Variants in RDX observed in about 807,000 individuals in gnomAD.
The protein encoded by RDX is radixin, also known as deafness, autosomal recessive 24.
Under a neutral mutation model 83.7 loss-of-function variants are expected in RDX, and 32 were observed. That is an observed-to-expected ratio of 0.38 (90% confidence interval 0.29 to 0.51). The LOEUF is 0.51. Among genes scored for constraint, RDX ranks in the 20% least tolerant of loss-of-function variants. The pLI is 0.87. For synonymous variants in RDX, 229 were observed against 222.7 expected (o/e 1.03, Z -0.25); for missense variants, 600 against 689.9 (o/e 0.87, Z 1.46).
intron 2 of RDX, among the ~76,000 whole-genome samples, chr11:110,278,514 G>A (rs576251162): frequency 2.0e-5 from 3 of 152,018 alleles, no homozygotes; most frequent in Middle Eastern, 3.4e-3. Flanking sequence ...AGTGTGTCAT[G>A]TTTTTTAATA....
chr11:110,184,670 C>A (rs1487313945), intron 15 of RDX, among the ~76,000 whole-genome samples: 1 of 152,172 alleles, frequency 6.6e-6, no homozygotes, highest in African/African-American at 2.4e-5. Flanking sequence ...GTTGCAAAAA[C>A]TTGTTGCAGG....
chr11:110,249,743 G>A (rs920075013), intron 9 of RDX, among the ~76,000 whole-genome samples: 3 of 152,136 alleles, frequency 2.0e-5, no homozygotes, highest in Non-Finnish European at 2.9e-5. Context: ...GGCATGGTGT[G>A]TGTACCCATA....
chr11:110,237,373 T>C, intron 11 of RDX, 119 bp downstream of exon 11: 1 of 882,340 alleles, frequency 1.1e-6, no homozygotes, highest in Non-Finnish European at 1.7e-6. Flanking sequence ...TTAAGTTACA[T>C]GTTATCTTTG....
intron 1 of RDX, among the ~76,000 whole-genome samples, chr11:110,284,403 GT>G (rs1244486775): frequency 6.6e-6 from 1 of 152,080 alleles, no homozygotes; most frequent in Non-Finnish European, 1.5e-5. Flanking sequence ...GGTTGTGGGG[GT>G]TTTTTATTTG....
chr11:110,247,268 A>C (rs985201927), intron 10 of RDX, among the ~76,000 whole-genome samples: 1 of 152,170 alleles, frequency 6.6e-6, no homozygotes, highest in African/African-American at 2.4e-5. Context: ...TTAGGAATTG[A>C]GTTCCAAAAA....
intron 2 of RDX, among the ~76,000 whole-genome samples, chr11:110,274,214 G>A (rs927049570): frequency 2.0e-5 from 3 of 151,728 alleles, no homozygotes; most frequent in African/African-American, 2.4e-5. Context: ...ATAATAAAAC[G>A]AAACCCATAA....
At chr11:110,221,601 A>AACACACACACACACACACAC (rs60766252) in intron 14 of RDX, among the ~76,000 whole-genome samples, 2 of 133,506 alleles carry the variant, frequency 1.5e-5, no homozygotes, top group African/African-American at 2.9e-5. Context: ...CTGTCTCCAA[A>AACACACACACACACACACAC]ACACACACAC....
At chr11:110,179,856 C>T (rs1325830696) in intron 15 of RDX, 4 of 426,476 alleles carry the variant, frequency 9.4e-6, no homozygotes, top group Non-Finnish European at 1.8e-5. Context: ...CTAGGCCTCC[C>T]TGCAGTGCTC....
At chr11:110,223,752 T>C (rs1269463986) in intron 14 of RDX, among the ~76,000 whole-genome samples, 2 of 152,140 alleles carry the variant, frequency 1.3e-5, no homozygotes, top group Non-Finnish European at 2.9e-5. Context: ...ATGAGCATAA[T>C]CAACTACAGT....
At chr11:110,233,753 G>A (rs1864733874) in intron 12 of RDX, among the ~76,000 whole-genome samples, 1 of 152,124 alleles carries the variant, frequency 6.6e-6, no homozygotes, top group African/African-American at 2.4e-5. Flanking sequence ...TATTAATTCT[G>A]GCAAGGATTA....
intron 2 of RDX, among the ~76,000 whole-genome samples, chr11:110,278,936 G>C (rs1187527019): frequency 6.7e-6 from 1 of 149,452 alleles, no homozygotes; most frequent in African/African-American, 2.4e-5. Context: ...CCTTAGTCAA[G>C]AAGAACCAAA....
At chr11:110,222,388 T>A (rs932606489) in intron 14 of RDX, among the ~76,000 whole-genome samples, 1 of 152,236 alleles carries the variant, frequency 6.6e-6, no homozygotes, top group Non-Finnish European at 1.5e-5. Flanking sequence ...TAAAAGTACA[T>A]TAAACTATAT....
At chr11:110,284,788 T>C (rs896522446) in intron 1 of RDX, among the ~76,000 whole-genome samples, 1 of 151,812 alleles carries the variant, frequency 6.6e-6, no homozygotes, top group Non-Finnish European at 1.5e-5. Flanking sequence ...CTCCCAAAGT[T>C]CTGGGATTAC....
At chr11:110,209,305 A>T (rs1442582197) in intron 14 of RDX, among the ~76,000 whole-genome samples, 1 of 151,590 alleles carries the variant, frequency 6.6e-6, no homozygotes, top group African/African-American at 2.4e-5. Flanking sequence ...GCGCACCACG[A>T]GATTATATCC....
chr11:110,289,238 C>CAAAAAAA (rs753424624), intron 1 of RDX, among the ~76,000 whole-genome samples: 1 of 54,356 alleles, frequency 1.8e-5, no homozygotes, highest in Admixed American at 2.1e-4. Flanking sequence ...AACTCTATCT[C>CAAAAAAA]AAAAAAAAAA....
At chr11:110,198,617 C>G (rs1407238214) in intron 15 of RDX, among the ~76,000 whole-genome samples, 1 of 152,154 alleles carries the variant, frequency 6.6e-6, no homozygotes, top group Non-Finnish European at 1.5e-5. Flanking sequence ...ACGTTGCACG[C>G]TCCTTTATGG....
intron 14 of RDX, among the ~76,000 whole-genome samples, chr11:110,203,214 T>A (rs1341805394): frequency 1.3e-5 from 2 of 152,062 alleles, no homozygotes; most frequent in Non-Finnish European, 2.9e-5. Flanking sequence ...TGCAACTACA[T>A]GGATGGAACT....
intron 3 of RDX, among the ~76,000 whole-genome samples, chr11:110,270,424 A>T (rs1186774578): frequency 6.6e-6 from 1 of 152,168 alleles, no homozygotes; most frequent in South Asian, 2.1e-4. Flanking sequence ...CTCTTACGGG[A>T]CCACTGTTGC....
At chr11:110,281,334 T>C (rs1342624560) in intron 1 of RDX, among the ~76,000 whole-genome samples, 1 of 151,942 alleles carries the variant, frequency 6.6e-6, no homozygotes, top group Non-Finnish European at 1.5e-5. Flanking sequence ...TTTTTTTTTT[T>C]TTTTGAGATG....
Sources: allele counts gnomAD v4.1 joint callset (sites outside exome capture counted in the v4.1 genomes callset), GRCh38; gene constraint gnomAD v4.1.1; transcripts MANE v1.5; gene names NCBI Gene and HGNC (gene_info 2026-07-23, HGNC 2026-07-21).